Variants in MACF1 observed in about 807,000 individuals in gnomAD.
MACF1 encodes the protein microtubule-actin cross-linking factor 1.
In MACF1, 193 loss-of-function variants were observed where a neutral mutation model predicts 854.8. That is an observed-to-expected ratio of 0.23 (90% CI 0.20 to 0.25). MACF1 has a LOEUF of 0.25. Among genes scored for constraint, MACF1 ranks in the 10% least tolerant of loss-of-function variants. The probability of loss-of-function intolerance (pLI) is 1.00; values close to 1 mark genes in which losing one functional copy is unlikely to be tolerated. For missense variants in MACF1, 7,722 were observed against 8,929.1 expected (o/e 0.86, Z 5.45); for synonymous variants, 3,185 against 3,226.7 (o/e 0.99, Z 0.44).
At position 39,335,350 on chromosome 1, in the gene MACF1, C is replaced by T; in HGVS notation, c.8762C>T (p.Ser2921Phe). The change falls in exon 37 of 101, where the codon TCT (serine) becomes TTT (phenylalanine). Residue 2921 changes from serine (S) to phenylalanine (F), a missense_variant. Ser to Phe is a radical substitution (Grantham distance 155). Around this residue, in one of 15 missense-constraint regions of MACF1, gnomAD observed 854 missense variants for 852.6 expected, o/e 1.00. Transcript: ENST00000564288. ...GCAGTGACAAAAATAGAAATTATTT[C>T]TCATATGAAGCAGTCTACCTCATGT... ...EKAVTKIEIISHMKQSTSCLD... is the reference protein window; with the variant it reads ...EKAVTKIEIIFHMKQSTSCLD... The T allele has an allele frequency of 6.2e-7, 1 of 1,613,654 alleles. No individual in the cohort carries two copies. The highest frequency in any genetic ancestry group is 1.3e-5 in the African/African-American group (1 of 74,982).
At chr1:39,359,034 T>C in intron 46 of MACF1, 107 bp from the exon 47 acceptor site, 1 of 1,454,862 alleles carries the variant, frequency 6.9e-7, no homozygotes. Context: ...TTTATGGCTA[T>C]GGTTAAACTT....
chr1:39,289,758 A>AGTG (rs1645736287), intron 15 of MACF1, among the ~76,000 whole-genome samples: 1 of 112,298 alleles, frequency 8.9e-6, no homozygotes, highest in Non-Finnish European at 1.7e-5. Flanking sequence ...CCCAGGCTGG[A>AGTG]GTGCAATGGC....
At chr1:39,307,385 C>T (rs1018688902) in intron 23 of MACF1, among the ~76,000 whole-genome samples, 3 of 151,952 alleles carry the variant, frequency 2.0e-5, no homozygotes, top group Admixed American at 6.6e-5. Context: ...TATCATGATA[C>T]GGAACAGTCT....
chr1:39,405,262 C>T (rs1427056299), intron 58 of MACF1, among the ~76,000 whole-genome samples: 1 of 152,202 alleles, frequency 6.6e-6, no homozygotes, highest in African/African-American at 2.4e-5. Flanking sequence ...TGATGCCCAA[C>T]AGGTACAGAC....
At position 39,293,639 on chromosome 1, in the gene MACF1, A is replaced by C; in HGVS notation, c.2154+20A>C. 1 of 1,602,604 alleles carries C rather than the reference A, an allele frequency of 6.2e-7. No homozygotes were observed. Among genetic ancestry groups the C allele is most frequent in the Non-Finnish European group, 8.5e-7 (1 of 1,173,408 alleles). ...TTCTCTGTGAGTCTAGCACAGTAGC[A>C]GGCCTGTCATACTTATTTAACAGCA... On this transcript the variant is annotated intron_variant, in intron 18 of 100. Transcript: ENST00000564288.
At chr1:39,240,900 G>A (rs1360705647) in intron 2 of MACF1, among the ~76,000 whole-genome samples, 2 of 152,184 alleles carry the variant, frequency 1.3e-5, no homozygotes, top group African/African-American at 4.8e-5. Flanking sequence ...TCAAAACAGA[G>A]ATATGATAAA....
chr1:39,297,072 C>T (rs1390338818), intron 20 of MACF1, among the ~76,000 whole-genome samples: 2 of 151,818 alleles, frequency 1.3e-5, no homozygotes, highest in Non-Finnish European at 2.9e-5. Flanking sequence ...TACAGGCGCC[C>T]ACCACCACGC....
chr1:39,351,551 T>G (rs1034916256), intron 43 of MACF1, among the ~76,000 whole-genome samples: 3 of 149,848 alleles, frequency 2.0e-5, no homozygotes, highest in Non-Finnish European at 3.0e-5. Flanking sequence ...TGAGGAAGAG[T>G]ATTATTATGG....
chr1:39,310,102 G>C (rs931777676), intron 24 of MACF1, 143 bp from the exon 25 acceptor site: 5 of 741,246 alleles, frequency 6.7e-6, no homozygotes, highest in Non-Finnish European at 1.1e-5. Flanking sequence ...ACTAAATGGA[G>C]GAATTCAAAT....
chr1:39,412,396 G>A, intron 58 of MACF1: 16 of 1,614,032 alleles, frequency 9.9e-6, no homozygotes, highest in Non-Finnish European at 1.3e-5. Flanking sequence ...TGAATTGTCT[G>A]TGGAGAAAGT....
At chr1:39,413,890 G>A (rs1643159561) in intron 58 of MACF1, 12 of 1,609,372 alleles carry the variant, frequency 7.5e-6, no homozygotes, top group Non-Finnish European at 8.5e-7. Context: ...TGCAGCTATG[G>A]TGGCCACCCT....
intron 1 of MACF1, among the ~76,000 whole-genome samples, chr1:39,219,467 C>T (rs1165558303): frequency 2.0e-5 from 3 of 152,194 alleles, no homozygotes; most frequent in Non-Finnish European, 4.4e-5. Context: ...CCTCAAACAG[C>T]ACCTGATACA....
intron 1 of MACF1, among the ~76,000 whole-genome samples, chr1:39,218,849 C>A (rs1445383714): frequency 6.6e-6 from 1 of 152,174 alleles, no homozygotes; most frequent in African/African-American, 2.4e-5. Flanking sequence ...GGGGCGATCT[C>A]GGCTCACTGC....
chr1:39,093,790 T>A (rs1641870698), intron 2 of MACF1, among the ~76,000 whole-genome samples: 1 of 145,698 alleles, frequency 6.9e-6, no homozygotes, highest in Admixed American at 7.0e-5. Context: ...GGCCAAGGGA[T>A]TCTTTTCTTT....
rs1647147870 is a variant in MACF1, at chr1:39,350,185, A to G, written c.10965+558A>G. On this transcript the variant is annotated intron_variant, in intron 42 of 100. Transcript: ENST00000564288. ...ATTATCTTGAAGAAGTGTCACCTAA[A>G]CTTGAGAAATGAAAGATATGTAGGC... Among the ~76,000 whole-genome samples, 3 of 152,360 alleles carry G rather than the reference A, an allele frequency of 2.0e-5. No individual in the cohort carries two copies. In the South Asian group the frequency reaches 6.2e-4, roughly 32 times the overall value.
intron 2 of MACF1, among the ~76,000 whole-genome samples, chr1:39,091,809 A>T: frequency 6.6e-6 from 1 of 152,138 alleles, no homozygotes; most frequent in East Asian, 1.9e-4. Context: ...GATACATATT[A>T]GCTCTTTTCA....
chr1:39,143,118 T>C (rs1643382692), intron 2 of MACF1, among the ~76,000 whole-genome samples: 1 of 152,216 alleles, frequency 6.6e-6, no homozygotes, highest in African/African-American at 2.4e-5. Context: ...ATCAGGCTGA[T>C]TGTGGTAGCC....
intron 7 of MACF1, among the ~76,000 whole-genome samples, chr1:39,282,667 G>A (rs1225884828): frequency 4.6e-5 from 7 of 152,210 alleles, no homozygotes; most frequent in Admixed American, 3.3e-4. Flanking sequence ...GAAAGTGGCA[G>A]AGGTTTGTGG....
intron 14 of MACF1, among the ~76,000 whole-genome samples, chr1:39,286,745 A>T (rs1374829013): frequency 6.6e-6 from 1 of 152,074 alleles, no homozygotes. Flanking sequence ...TTACAGAGCC[A>T]AGACTAGGAC....
Sources: gnomAD v4.1 joint callset for allele counts (sites outside exome capture counted in the v4.1 genomes callset) on GRCh38, gnomAD v4.1.1 for gene constraint, gnomAD v4.1.1 regional missense constraint, MANE v1.5 for transcripts, NCBI Gene and HGNC (gene_info 2026-07-23, HGNC 2026-07-21) for gene names.